The following BCAS3 variants were observed in gnomAD, a reference collection of about 807,000 sequenced individuals.
The protein encoded by BCAS3 is BCAS3 microtubule associated cell migration factor, also known as BCAS4/BCAS3 fusion.
In BCAS3, 53 loss-of-function variants were observed where a neutral mutation model predicts 116.1. The ratio of observed to expected loss-of-function variants is 0.46; its 90% CI spans 0.37 to 0.57. The LOEUF is 0.57. Among genes scored for constraint, BCAS3 ranks in the 20% least tolerant of loss-of-function variants. The pLI is 0.00. For missense variants in BCAS3, 917 were observed against 1,165.4 expected (o/e 0.79, Z 3.10); for synonymous variants, 391 against 408.2 (o/e 0.96, Z 0.51).
chr17:61,195,194 C>A (rs1249442246), intron 22 of BCAS3, among the ~76,000 whole-genome samples: 2 of 152,158 alleles, frequency 1.3e-5, no homozygotes, highest in African/African-American at 2.4e-5. Flanking sequence ...TGCTTATGCC[C>A]AGAAGGACTG....
intron 22 of BCAS3, among the ~76,000 whole-genome samples, chr17:61,246,792 AGTGTGTGTGT>A (rs61382195): frequency 1.3e-4 from 19 of 144,234 alleles, no homozygotes; most frequent in East Asian, 8.4e-4. Flanking sequence ...TTTGAGTGAG[AGTGTGTGTGT>A]GTGTGTGTGT....
intron 22 of BCAS3, among the ~76,000 whole-genome samples, chr17:61,320,420 G>A (rs896336514): frequency 8.6e-5 from 13 of 151,596 alleles, no homozygotes; most frequent in Middle Eastern, 3.4e-3. Flanking sequence ...CGTGGCTCAC[G>A]CCTGTAATCC....
chr17:60,853,362 G>A (rs1033550964), intron 7 of BCAS3, among the ~76,000 whole-genome samples: 1 of 152,142 alleles, frequency 6.6e-6, no homozygotes, highest in African/African-American at 2.4e-5. Context: ...TGTGAAATGA[G>A]TTATAAATTT....
At chr17:60,988,982 T>C (rs1489998109) in intron 14 of BCAS3, among the ~76,000 whole-genome samples, 2 of 152,104 alleles carry the variant, frequency 1.3e-5, no homozygotes, top group Non-Finnish European at 2.9e-5. Context: ...GATTGTTTAT[T>C]TGAAGTTTTC....
intron 16 of BCAS3, among the ~76,000 whole-genome samples, chr17:61,024,323 A>C (rs1329500301): frequency 6.6e-6 from 1 of 152,158 alleles, no homozygotes; most frequent in Non-Finnish European, 1.5e-5. Context: ...GAGGCAGATG[A>C]GTATAGATTT....
Position 61,278,509 on chromosome 17 carries a change from T to C in BCAS3, c.2426-89818T>C, listed in dbSNP as rs973021517. Reference sequence around the variant, plus strand: ...TGTTGGATGGACCTACCCAAAGGAATTGAATGCAGGAACAGGAACAGATGC... The same window carrying C: ...TGTTGGATGGACCTACCCAAAGGAACTGAATGCAGGAACAGGAACAGATGC... On this transcript the variant is annotated intron_variant, in intron 22 of 23. Transcript: ENST00000407086. This position sits in a 1 kb window ranked among gnomAD's most constrained non-coding sequence, Gnocchi z 5.8. Among the ~76,000 whole-genome samples the C allele has an allele frequency of 8.5e-5, 13 of 152,160 alleles. No homozygotes were observed. The highest frequency in any genetic ancestry group is 2.9e-4 in the African/African-American group (12 of 41,438).
intron 11 of BCAS3, among the ~76,000 whole-genome samples, chr17:60,907,907 TTCTGGACAC>T (rs1177778150): frequency 6.6e-6 from 1 of 152,188 alleles, no homozygotes; most frequent in Non-Finnish European, 1.5e-5. Flanking sequence ...ATCAGTTAAC[TTCTGGACAC>T]TAGTGCTCAT....
intron 5 of BCAS3, among the ~76,000 whole-genome samples, chr17:60,744,486 T>C (rs1179895054): frequency 6.6e-6 from 1 of 152,202 alleles, no homozygotes; most frequent in African/African-American, 2.4e-5. Context: ...CATATCTGTA[T>C]AAACCTTAAC....
At chr17:60,858,559 AC>A (rs2053876799) in intron 7 of BCAS3, among the ~76,000 whole-genome samples, 1 of 151,994 alleles carries the variant, frequency 6.6e-6, no homozygotes, top group Non-Finnish European at 1.5e-5. Context: ...CTGTCCATTC[AC>A]CTATTGATGG....
intron 22 of BCAS3, among the ~76,000 whole-genome samples, chr17:61,089,767 G>A (rs1223767273): frequency 6.6e-6 from 1 of 151,422 alleles, no homozygotes; most frequent in Non-Finnish European, 1.5e-5. Context: ...TCTGACCTCA[G>A]GTGATCCACC....
chr17:61,062,212 G>T (rs1023569993), intron 19 of BCAS3, among the ~76,000 whole-genome samples: 3 of 151,930 alleles, frequency 2.0e-5, no homozygotes, highest in African/African-American at 7.3e-5. Context: ...GATATACACG[G>T]TTTAAAAGGT....
At position 61,259,972 on chromosome 17, in the gene BCAS3, C is replaced by T. The variant is rs1440029301; in HGVS notation, c.2426-108355C>T. Among the ~76,000 whole-genome samples the T allele has an allele frequency of 1.3e-5, 2 of 152,158 alleles. No individual in the cohort carries two copies. The highest frequency in any genetic ancestry group is 6.5e-5 in the Admixed American group (1 of 15,280). Reference sequence around the variant, plus strand: ...TGTGAGGTAGGCGTTGTACAGGCTGCCTAACATAGTTTTTTATTAATCCTC... The same window carrying T: ...TGTGAGGTAGGCGTTGTACAGGCTGTCTAACATAGTTTTTTATTAATCCTC... On this transcript the variant is annotated intron_variant, in intron 22 of 23. Coordinates refer to ENST00000407086, the MANE Select transcript of BCAS3 (RefSeq NM_017679.5). The surrounding 1 kb of genome is among the most constrained non-coding windows in gnomAD (Gnocchi z 4.7).
chr17:61,301,727 T>G (rs2053458550), intron 22 of BCAS3, among the ~76,000 whole-genome samples: 1 of 152,110 alleles, frequency 6.6e-6, no homozygotes, highest in Non-Finnish European at 1.5e-5. Context: ...AATGCAAAAT[T>G]TCAGTTAGAA....
At chr17:60,971,315 ACTTTTT>A (rs989204220) in intron 14 of BCAS3, among the ~76,000 whole-genome samples, 4 of 152,190 alleles carry the variant, frequency 2.6e-5, no homozygotes, top group African/African-American at 9.7e-5. Context: ...GAGGCGGCGA[ACTTTTT>A]CTTTAAAGGA....
In BCAS3 at chr17:60,988,360, T is replaced by TTTTG. The variant is rs1555651709; in HGVS notation, c.1222-1611_1222-1610insTTTG. Among the ~76,000 whole-genome samples, 350 of 134,740 alleles carry TTTTG rather than the reference T, an allele frequency of 2.6e-3. 5 individuals are homozygous for TTTTG. Among genetic ancestry groups the TTTTG allele is most frequent in the African/African-American group, 9.4e-3 (297 of 31,446 alleles). The allele number at this position is 134,740 out of a possible 152,430, so 88.4% of individuals were successfully genotyped here. On this transcript the variant is annotated intron_variant, in intron 14 of 23. Transcript: ENST00000407086. ...TTTCTTTTTTTTTTTTTTTTTTTTT[T>TTTTG]ATGTATGTGTTTGGTTTTGGTTTCA...
At position 61,284,280 on chromosome 17, in the gene BCAS3, G is replaced by A. The variant is rs1174724161; in HGVS notation, c.2426-84047G>A. 2.6e-5 allele frequency among the ~76,000 whole-genome samples: 4 copies of A among 152,148 alleles called. 1 individual carries two copies. The Middle Eastern group carries it at 0.013, about 481-fold the overall frequency. ...CTCAGGTTCCCTTCTATGTCAGGAA[G>A]GTTTGTTCTTTCACTCTTCACAATA... is the stretch of plus-strand genomic sequence containing the variant. On this transcript the variant is annotated intron_variant, in intron 22 of 23. Transcript: ENST00000407086.
intron 5 of BCAS3, among the ~76,000 whole-genome samples, chr17:60,725,442 G>C (rs2039720235): frequency 6.6e-6 from 1 of 152,010 alleles, no homozygotes; most frequent in South Asian, 2.1e-4. Flanking sequence ...GAAATGTTCG[G>C]GTCTATGTCA....
At chr17:61,334,741 G>T (rs2056586942) in intron 22 of BCAS3, among the ~76,000 whole-genome samples, 1 of 144,332 alleles carries the variant, frequency 6.9e-6, no homozygotes, top group Non-Finnish European at 1.5e-5. Context: ...ACACATAATA[G>T]ATCCTAAGAG....
intron 22 of BCAS3, among the ~76,000 whole-genome samples, chr17:61,246,823 G>GTGTA (rs1555793390): frequency 6.6e-6 from 1 of 151,722 alleles, no homozygotes; most frequent in East Asian, 1.9e-4. Context: ...GTGTGTGTGT[G>GTGTA]TGTGTGTATG....
Sources: allele counts gnomAD v4.1 joint callset (sites outside exome capture counted in the v4.1 genomes callset), GRCh38; gene constraint gnomAD v4.1.1; non-coding constraint Gnocchi (gnomAD v3.1); transcripts MANE v1.5; gene names NCBI Gene and HGNC (gene_info 2026-07-23, HGNC 2026-07-21).